Variants in FAM13A observed in about 807,000 individuals in gnomAD.
FAM13A encodes family with sequence similarity 13 member A.
A neutral mutation model predicts 129.6 loss-of-function variants in FAM13A; 76 were observed. The observed-to-expected ratio is 0.59, with a 90% confidence interval of 0.49 to 0.71. FAM13A has a LOEUF of 0.71. FAM13A is among the 30% of genes least tolerant of loss of function. FAM13A has a pLI of 0.00. For synonymous variants in FAM13A, 443 were observed against 449.9 expected (o/e 0.98, Z 0.20); for missense variants, 1,108 against 1,249.3 (o/e 0.89, Z 1.70).
intron 3 of FAM13A, among the ~76,000 whole-genome samples, chr4:89,011,420 A>G (rs1169083386): frequency 2.0e-5 from 3 of 152,326 alleles, no homozygotes; most frequent in East Asian, 3.9e-4. Flanking sequence ...TTTATCTGAT[A>G]CAGATGGTTA....
intron 19 of FAM13A, among the ~76,000 whole-genome samples, chr4:88,746,452 C>T (rs1741356568): frequency 6.6e-6 from 1 of 152,202 alleles, no homozygotes; most frequent in Non-Finnish European, 1.5e-5. Flanking sequence ...GCAGCTGGAA[C>T]TTCTTTACAA....
intron 4 of FAM13A, among the ~76,000 whole-genome samples, chr4:88,971,313 T>A (rs1264825225): frequency 6.6e-6 from 1 of 152,192 alleles, no homozygotes; most frequent in Non-Finnish European, 1.5e-5. Context: ...GTCTTTTGGA[T>A]AACAACAAAT....
chr4:89,015,371 G>T (rs1042821488), intron 3 of FAM13A, among the ~76,000 whole-genome samples: 3 of 152,098 alleles, frequency 2.0e-5, no homozygotes, highest in Non-Finnish European at 4.4e-5. Flanking sequence ...ATAAAAATTT[G>T]CTGGTTTTGC....
chr4:89,047,601 A>C (rs2149174380), intron 1 of FAM13A, among the ~76,000 whole-genome samples: 1 of 152,332 alleles, frequency 6.6e-6, no homozygotes, highest in South Asian at 2.1e-4. Context: ...GTACTTAAGA[A>C]TAGTGGGAGT....
At chr4:88,845,960 C>T (rs879439669) in intron 7 of FAM13A, among the ~76,000 whole-genome samples, 1 of 152,120 alleles carries the variant, frequency 6.6e-6, no homozygotes, top group African/African-American at 2.4e-5. Context: ...ATTAAGAACA[C>T]ACCTGTAACA....
chr4:88,945,990 GTA>G (rs199936059), intron 4 of FAM13A, among the ~76,000 whole-genome samples: 62 of 61,950 alleles, frequency 1.0e-3, no homozygotes, highest in African/African-American at 1.5e-3. Context: ...GTGTGTGTGT[GTA>G]TATATATATA....
chr4:88,848,805 T>C (rs1389612855), intron 7 of FAM13A, among the ~76,000 whole-genome samples: 3 of 152,234 alleles, frequency 2.0e-5, no homozygotes, highest in Admixed American at 1.3e-4. Flanking sequence ...GGATATAGTT[T>C]TTCATGATCT....
intron 1 of FAM13A, among the ~76,000 whole-genome samples, chr4:89,054,712 G>A (rs1202083605): frequency 6.6e-6 from 1 of 152,040 alleles, no homozygotes; most frequent in Non-Finnish European, 1.5e-5. Context: ...TTAACCATCA[G>A]AAAAGAGACT....
At chr4:88,740,564 ATTCTCTT>A (rs1740028263) in intron 19 of FAM13A, among the ~76,000 whole-genome samples, 1 of 152,234 alleles carries the variant, frequency 6.6e-6, no homozygotes, top group African/African-American at 2.4e-5. Flanking sequence ...TGTCTCCTGC[ATTCTCTT>A]ACTATTTCAC....
chr4:88,862,742 C>T (rs958795011), intron 6 of FAM13A, among the ~76,000 whole-genome samples: 4 of 152,020 alleles, frequency 2.6e-5, no homozygotes, highest in African/African-American at 7.3e-5. Context: ...TGTTCTGATG[C>T]CCCCAGTTAG....
chr4:88,941,024 A>G (rs1754674747), intron 4 of FAM13A, among the ~76,000 whole-genome samples: 1 of 152,220 alleles, frequency 6.6e-6, no homozygotes, highest in African/African-American at 2.4e-5. Context: ...AGCTGCAAAC[A>G]TGAGTAGTTT....
intron 3 of FAM13A, among the ~76,000 whole-genome samples, chr4:89,010,907 G>C (rs1429517917): frequency 2.6e-5 from 4 of 151,920 alleles, no homozygotes; most frequent in South Asian, 4.2e-4. Flanking sequence ...GGAGTGCAGT[G>C]GTGCGATCTC....
At chr4:89,026,903 T>C (rs10000140) in intron 2 of FAM13A, among the ~76,000 whole-genome samples, 44,951 of 152,078 alleles carry the variant, frequency 0.3, 7,232 homozygotes, top group Middle Eastern at 0.42. Flanking sequence ...TAATCTGCCA[T>C]AGAGTCCCTG....
intron 6 of FAM13A, among the ~76,000 whole-genome samples, chr4:88,876,685 G>A (rs1469980482): frequency 3.9e-5 from 6 of 151,940 alleles, no homozygotes; most frequent in Admixed American, 6.6e-5. Context: ...TCTGCCTCCC[G>A]AGTTCATGCC....
intron 6 of FAM13A, among the ~76,000 whole-genome samples, chr4:88,897,249 ATTTG>A (rs943714181): frequency 6.6e-6 from 1 of 152,098 alleles, no homozygotes; most frequent in Non-Finnish European, 1.5e-5. Context: ...CACTCCAATT[ATTTG>A]TTGGCATATA....
intron 7 of FAM13A, chr4:88,823,161 A>C (rs1732371520): frequency 8.1e-6 from 12 of 1,489,884 alleles, no homozygotes; most frequent in Non-Finnish European, 1.1e-5. Flanking sequence ...GCAGTTGGCC[A>C]GTCTACTGCT....
intron 1 of FAM13A, among the ~76,000 whole-genome samples, chr4:89,032,889 A>C (rs1187839050): frequency 6.6e-6 from 1 of 152,182 alleles, no homozygotes; most frequent in African/African-American, 2.4e-5. Context: ...GAAACCACTG[A>C]AGCTTGAGTG....
chr4:88,905,560 C>G (rs1416622107), intron 6 of FAM13A: 1 of 152,192 alleles, frequency 6.6e-6, no homozygotes, highest in Non-Finnish European at 1.5e-5. Flanking sequence ...TCCTCCCACC[C>G]TCCACCCTCG....
chr4:88,918,044 G>A (rs916414348), intron 5 of FAM13A, among the ~76,000 whole-genome samples: 5 of 152,176 alleles, frequency 3.3e-5, no homozygotes, highest in African/African-American at 9.7e-5. Flanking sequence ...AGCTGTCTTG[G>A]TAAGTGTCCT....
Sources: allele counts gnomAD v4.1 joint callset (sites outside exome capture counted in the v4.1 genomes callset), GRCh38; gene constraint gnomAD v4.1.1; transcripts MANE v1.5; gene names NCBI Gene and HGNC (gene_info 2026-07-23, HGNC 2026-07-21).